The following CTNNA3 variants were observed in gnomAD, a reference collection of about 807,000 sequenced individuals.
The protein encoded by CTNNA3 is catenin alpha-3.
In CTNNA3, 76 loss-of-function variants were observed where a neutral mutation model predicts 95.7. The observed-to-expected ratio is 0.79, with a 90% CI of 0.66 to 0.96. The LOEUF (loss-of-function observed/expected upper bound fraction) is 0.96. Among genes scored for constraint, CTNNA3 ranks in the 40% least tolerant of loss-of-function variants. The probability of loss-of-function intolerance (pLI) is 0.00; values close to 1 mark genes in which losing one functional copy is unlikely to be tolerated. For synonymous variants in CTNNA3, 431 were observed against 374.4 expected (o/e 1.15, Z -1.74); for missense variants, 1,191 against 1,089.8 (o/e 1.09, Z -1.31).
At chr10:66,651,672 G>T (rs1303844879) in intron 9 of CTNNA3, among the ~76,000 whole-genome samples, 1 of 116,012 alleles carries the variant, frequency 8.6e-6, no homozygotes, top group Non-Finnish European at 2.0e-5. Context: ...GCACTGCTGG[G>T]GGACCCAGCG....
chr10:65,937,752 A>G lies in CTNNA3; in HGVS notation c.2401-17135T>C, dbSNP rs138511078. Among the ~76,000 whole-genome samples the G allele has an allele frequency of 4.2e-3, 639 of 152,300 alleles. 5 individuals are homozygous for G. Among genetic ancestry groups the G allele is most frequent in the African/African-American group, 0.015 (613 of 41,568 alleles). Reference sequence around the variant, plus strand: ...AAGATGTAGGATAAGAAAAACTCTAATTGTACTTGATTGTTGGCTCACATT... The same window carrying G: ...AAGATGTAGGATAAGAAAAACTCTAGTTGTACTTGATTGTTGGCTCACATT... On this transcript the variant is annotated intron_variant, in intron 17 of 17. Coordinates refer to ENST00000433211, the MANE Select transcript of CTNNA3 (RefSeq NM_013266.4).
intron 1 of CTNNA3, among the ~76,000 whole-genome samples, chr10:67,690,322 A>G (rs534559685): frequency 6.6e-6 from 1 of 152,296 alleles, no homozygotes; most frequent in South Asian, 2.1e-4. Context: ...CCAAAGAGTG[A>G]GCAGCAGCAA....
At chr10:67,564,689 ATATATATATATAT>A (rs1841689185) in intron 3 of CTNNA3, among the ~76,000 whole-genome samples, 1 of 71,120 alleles carries the variant, frequency 1.4e-5, no homozygotes, top group Non-Finnish European at 2.5e-5. Flanking sequence ...ATATATATAT[ATATATATATATAT>A]ATATATATAT....
chr10:67,626,041 G>C (rs954869885), intron 2 of CTNNA3, among the ~76,000 whole-genome samples: 5 of 151,970 alleles, frequency 3.3e-5, no homozygotes, highest in Non-Finnish European at 1.5e-5. Flanking sequence ...AATTAGCCAG[G>C]TGTGGTGGCA....
In CTNNA3 at chr10:66,379,193, G is replaced by A. The variant is rs538149393; in HGVS notation, c.1691C>T (p.Thr564Met). ...EMDSYEPGAY[T>M]EGVMRNVNFL... ...GTTAACATTTCTCATTACACCTTCC[G>A]TGTAAGCCCCTGGCTCGTAACTGTC... The change falls in exon 12 of 18, where the codon ACG (threonine) becomes ATG (methionine). Residue 564 changes from threonine to methionine, a missense_variant. By Grantham distance (81) the Thr-to-Met change is moderately conservative (BLOSUM62 -1). Coordinates refer to ENST00000433211, the MANE Select transcript of CTNNA3 (RefSeq NM_013266.4). 34 of 1,614,076 alleles carry A rather than the reference G, an allele frequency of 2.1e-5. No homozygotes were observed. The African/African-American group carries it at 2.8e-4, about 13-fold the overall frequency.
intron 13 of CTNNA3, among the ~76,000 whole-genome samples, chr10:66,197,271 C>T (rs1427001579): frequency 1.3e-5 from 2 of 151,954 alleles, no homozygotes; most frequent in African/African-American, 4.8e-5. Context: ...TATACTCAAC[C>T]CATAGGTTAC....
At chr10:67,723,594 T>A (rs754887330) in intron 1 of CTNNA3, among the ~76,000 whole-genome samples, 24 of 152,150 alleles carry the variant, frequency 1.6e-4, no homozygotes, top group Non-Finnish European at 3.2e-4. Context: ...ATGCCCGGCA[T>A]CTTTCAATTC....
intron 1 of CTNNA3, among the ~76,000 whole-genome samples, chr10:67,662,323 A>G (rs1262662005): frequency 1.3e-5 from 2 of 152,230 alleles, no homozygotes; most frequent in Non-Finnish European, 2.9e-5. Flanking sequence ...AAGTTATGTG[A>G]ATGTGCTCAC....
chr10:66,021,334 C>T (rs1459184313), intron 15 of CTNNA3, among the ~76,000 whole-genome samples: 1 of 152,076 alleles, frequency 6.6e-6, no homozygotes, highest in Non-Finnish European at 1.5e-5. Context: ...AAGAGCAATC[C>T]ACATCCTCAT....
chr10:66,865,107 T>C (rs1844114650), intron 7 of CTNNA3, among the ~76,000 whole-genome samples: 1 of 152,138 alleles, frequency 6.6e-6, no homozygotes, highest in Non-Finnish European at 1.5e-5. Flanking sequence ...AGACATCATT[T>C]TTCCATACTT....
intron 3 of CTNNA3, among the ~76,000 whole-genome samples, chr10:67,580,427 TG>T (rs1467282826): frequency 6.6e-6 from 1 of 151,648 alleles, no homozygotes; most frequent in African/African-American, 2.4e-5. Flanking sequence ...ATCCCTGTTT[TG>T]GTACCAGTAC....
At chr10:67,316,796 T>C (rs1405978635) in intron 5 of CTNNA3, among the ~76,000 whole-genome samples, 1 of 152,172 alleles carries the variant, frequency 6.6e-6, no homozygotes, top group Non-Finnish European at 1.5e-5. Context: ...TGATTAATGA[T>C]TTTCCCCCTT....
chr10:67,297,200 G>C (rs1301109425), intron 5 of CTNNA3, among the ~76,000 whole-genome samples: 1 of 152,092 alleles, frequency 6.6e-6, no homozygotes. Context: ...CATTTACTGT[G>C]AATCTCTTTG....
At chr10:67,321,021 C>T (rs1287659591) in intron 5 of CTNNA3, among the ~76,000 whole-genome samples, 1 of 152,156 alleles carries the variant, frequency 6.6e-6, no homozygotes, top group Non-Finnish European at 1.5e-5. Flanking sequence ...CCTGCTCCAC[C>T]CCACACAACG....
chr10:66,788,125 C>G (rs1363508684), intron 7 of CTNNA3, among the ~76,000 whole-genome samples: 4 of 152,106 alleles, frequency 2.6e-5, no homozygotes, highest in Non-Finnish European at 5.9e-5. Context: ...TTCACTTAAT[C>G]AATGATATCA....
intron 11 of CTNNA3, among the ~76,000 whole-genome samples, chr10:66,504,004 A>C (rs1812134632): frequency 6.6e-6 from 1 of 152,170 alleles, no homozygotes; most frequent in Admixed American, 6.5e-5. Flanking sequence ...AGAATGGCTA[A>C]ATCAAGCGAA....
intron 9 of CTNNA3, among the ~76,000 whole-genome samples, chr10:66,702,732 AAGTAGTAGTAGTAGT>A (rs3055636): frequency 1.5e-5 from 2 of 134,326 alleles, no homozygotes; most frequent in Non-Finnish European, 1.5e-5. Context: ...AAAAAAGAAT[AAGTAGTAGTAGTAGT>A]AGTAGTAGTA....
intron 7 of CTNNA3, among the ~76,000 whole-genome samples, chr10:66,960,939 T>C (rs1371652667): frequency 6.6e-6 from 1 of 152,158 alleles, no homozygotes; most frequent in South Asian, 2.1e-4. Flanking sequence ...TAAGGACTAC[T>C]AGTTAATCAC....
chr10:65,921,639 G>T (rs2133110427), intron 17 of CTNNA3, among the ~76,000 whole-genome samples: 1 of 146,152 alleles, frequency 6.8e-6, no homozygotes, highest in South Asian at 2.2e-4. Flanking sequence ...CACCTGGTCT[G>T]TCACCTGGGA....
Sources: allele counts gnomAD v4.1 joint callset (sites outside exome capture counted in the v4.1 genomes callset), GRCh38; gene constraint gnomAD v4.1.1; transcripts MANE v1.5; gene names NCBI Gene and HGNC (gene_info 2026-07-23, HGNC 2026-07-21).